The following TCOF1 variants were observed in gnomAD, a reference collection of about 807,000 sequenced individuals.
The protein encoded by TCOF1 is treacle protein.
Under a neutral mutation model 149.0 loss-of-function variants are expected in TCOF1, and 33 were observed. The ratio of observed to expected loss-of-function variants is 0.22; its 90% confidence interval spans 0.17 to 0.30. The LOEUF (loss-of-function observed/expected upper bound fraction) is 0.30, where lower values mean the gene tolerates loss of function less well. TCOF1 is among the 10% of genes least tolerant of loss of function. The pLI, the probability that TCOF1 is intolerant of heterozygous loss-of-function variation, is 1.00. For missense variants in TCOF1, 1,728 were observed against 1,840.7 expected, an observed-to-expected ratio of 0.94 and a Z score of 1.12; for synonymous variants, 789 against 738.8, an observed-to-expected ratio of 1.07 and a Z score of -1.10.
intron 23 of TCOF1, 67 bp downstream of exon 23, chr5:150,393,619 C>G (rs1767865721): frequency 6.3e-7 from 1 of 1,598,174 alleles, no homozygotes; most frequent in African/African-American, 1.3e-5. Context: ...CCCCTTCTTG[C>G]CCTCCTGTAG....
intron 12 of TCOF1, 29 bp from the exon 13 acceptor site, chr5:150,376,053 T>C: frequency 6.2e-7 from 1 of 1,613,544 alleles, no homozygotes; most frequent in Non-Finnish European, 8.5e-7. Context: ...TCAGGAACCT[T>C]CTCCAGCCTT....
chr5:150,372,268 G>C, intron 7 of TCOF1, 32 bp downstream of exon 7: 1 of 1,572,702 alleles, frequency 6.4e-7, no homozygotes, highest in Non-Finnish European at 8.6e-7. Context: ...CCCCTTGGAG[G>C]ACCTGCGGGT....
At chr5:150,389,285 C>T (rs757442973) in intron 18 of TCOF1, among the ~76,000 whole-genome samples, 1 of 152,138 alleles carries the variant, frequency 6.6e-6, no homozygotes, top group Non-Finnish European at 1.5e-5. Flanking sequence ...TAAAGCAAGA[C>T]CATACTGTAT....
chr5:150,369,228 G>A (rs1762013217), intron 5 of TCOF1, among the ~76,000 whole-genome samples: 1 of 152,236 alleles, frequency 6.6e-6, no homozygotes, highest in African/African-American at 2.4e-5. Flanking sequence ...GTAGACATCT[G>A]TCTGGCCTGC....
intron 17 of TCOF1, among the ~76,000 whole-genome samples, chr5:150,382,508 G>A (rs1311233222): frequency 6.6e-6 from 1 of 152,204 alleles, no homozygotes; most frequent in Non-Finnish European, 1.5e-5. Context: ...AGGGAAAAGG[G>A]GGGCCCCCAT....
intron 11 of TCOF1, 48 bp from the exon 12 acceptor site, chr5:150,375,673 C>T: frequency 6.2e-7 from 1 of 1,613,536 alleles, no homozygotes; most frequent in Non-Finnish European, 8.5e-7. Flanking sequence ...AATGTCTGCA[C>T]ACACCTACCC....
chr5:150,392,421 A>G (rs1057235359), intron 21 of TCOF1: 14 of 610,636 alleles, frequency 2.3e-5, no homozygotes, highest in African/African-American at 5.5e-5. Flanking sequence ...CTGGCTCCCA[A>G]AAACTCCAGG....
Position 150,396,272 on chromosome 5 carries a change from C to G in TCOF1, c.3785-10C>G, listed in dbSNP as rs756317583. ...TCCCAGATCTGTGACCCCACATTCT[C>G]TCTCCATAGGTGGAAAAGAGGCTGC... On this transcript the variant is annotated splice_polypyrimidine_tract_variant and intron_variant, in intron 23 of 26. Coordinates refer to ENST00000643257, the MANE Select transcript of TCOF1 (RefSeq NM_001371623.1). 5 of 1,613,900 alleles carry G rather than the reference C, an allele frequency of 3.1e-6. No individual in the cohort carries two copies. The South Asian group carries it at 4.4e-5, about 14-fold the overall frequency.
At position 150,396,658 on chromosome 5, in the gene TCOF1, C is replaced by T. The variant is rs1300305080; in HGVS notation, c.4161C>T (p.Ser1387=). Residue 1387 remains serine, a synonymous_variant, in exon 24 of 27, where the codon TCC becomes TCT. Transcript: ENST00000643257. The stretch of plus-strand genomic sequence containing the variant: ...CCCCAGAAAAGACCTCCACGACTTC[C>T]AAGGGGAAAGCAAAGAGAGACAAAG... ...SVSPEKTSTT[S]KGKAKRDKAS... is the part of the protein sequence containing the mutation. 1.2e-6 allele frequency: 2 copies of T among 1,610,030 alleles called. No homozygotes were observed. The highest frequency in any genetic ancestry group is 1.7e-6 in the Non-Finnish European group (2 of 1,178,302).
chr5:150,393,373 C>T lies in TCOF1; in HGVS notation c.3605C>T (p.Ser1202Phe), dbSNP rs112227999. The change falls in exon 23 of 27, where the codon TCT becomes TTT. Residue 1202 changes from serine (S) to phenylalanine (F), a missense_variant and splice_region_variant. Physicochemically the swap from Ser to Phe is radical, Grantham distance 155. This residue lies in a region of TCOF1 where 1,696 missense variants were observed against 1,765.4 expected (regional missense o/e 0.96). Transcript: ENST00000643257. Reference protein sequence around the residue: ...SEDDVVAPSQSLLSGYMTPGL... With the variant: ...SEDDVVAPSQFLLSGYMTPGL... ...CTCTTTCACAATGGGCTTCTTCAGT[C>T]TCTCCTCTCAGGTTATATGACCCCT... The T allele has an allele frequency of 2.2e-4, 351 of 1,613,784 alleles. No homozygotes were observed. The highest frequency in any genetic ancestry group is 2.8e-4 in the Non-Finnish European group (330 of 1,179,994).
At chr5:150,368,037 C>G in intron 4 of TCOF1, 120 bp downstream of exon 4, 1 of 1,057,188 alleles carries the variant, frequency 9.5e-7, no homozygotes, top group Non-Finnish European at 1.4e-6. Context: ...ATTCAGAGCT[C>G]AACCTGTGTC....
In TCOF1 at chr5:150,372,271, C is replaced by CT. The variant is rs1186654070; in HGVS notation, c.870+36dup. The CT allele has an allele frequency of 4.5e-6, 7 of 1,565,256 alleles. No homozygotes were observed. In the Middle Eastern group the frequency reaches 9.0e-4, roughly 202 times the overall value. ...GGAGGAGGGCTGCCCCTTGGAGGACCTGCGGGTCCCCCAGCAGCCTGAGCA... is the reference window on the plus strand; with the variant it reads ...GGAGGAGGGCTGCCCCTTGGAGGACCTTGCGGGTCCCCCAGCAGCCTGAGCA... On this transcript the variant is annotated intron_variant, in intron 7 of 26. Transcript: ENST00000643257.
chr5:150,372,261 C>T (rs1021699123), intron 7 of TCOF1, 25 bp downstream of exon 7: 6 of 1,584,080 alleles, frequency 3.8e-6, no homozygotes, highest in Admixed American at 1.8e-5. Flanking sequence ...AGGGCTGCCC[C>T]TTGGAGGACC....
At chr5:150,392,956 AC>A in intron 22 of TCOF1, 166 bp downstream of exon 22, 1 of 825,352 alleles carries the variant, frequency 1.2e-6, no homozygotes, top group Non-Finnish European at 2.0e-6. Flanking sequence ...CAGCCAGCAG[AC>A]CACAGCCAGG....
At chr5:150,380,684 G>A (rs1406619626) in intron 17 of TCOF1, 1 of 152,246 alleles carries the variant, frequency 6.6e-6, no homozygotes, top group Non-Finnish European at 1.5e-5. Context: ...ACAGGTGTGT[G>A]ATGGAAATGA....
intron 23 of TCOF1, among the ~76,000 whole-genome samples, chr5:150,396,054 A>G (rs1451766684): frequency 6.6e-6 from 1 of 152,164 alleles, no homozygotes; most frequent in Non-Finnish European, 1.5e-5. Flanking sequence ...TAGTATAAAG[A>G]GACAGGGAAA....
intron 3 of TCOF1, 106 bp downstream of exon 3, chr5:150,364,358 G>T (rs1451336476): frequency 4.1e-5 from 63 of 1,532,460 alleles, no homozygotes; most frequent in Non-Finnish European, 1.1e-5. Context: ...AAAAGACCCT[G>T]GGGAGGAGAT....
intron 7 of TCOF1, 123 bp from the exon 8 acceptor site, chr5:150,374,051 G>A: frequency 9.3e-7 from 1 of 1,069,590 alleles, no homozygotes; most frequent in Non-Finnish European, 1.4e-6. Context: ...GTCAAGGTGG[G>A]GAGTGGGGAG....
At position 150,392,019 on chromosome 5, in the gene TCOF1, A is replaced by G; in HGVS notation, c.3360A>G (p.Lys1120=). The G allele has an allele frequency of 6.2e-7, 1 of 1,614,244 alleles. No homozygotes were observed. The highest frequency in any genetic ancestry group is 1.1e-5 in the South Asian group (1 of 91,086). Residue 1120 remains lysine, a synonymous_variant, in exon 21 of 27, where the codon AAA becomes AAG. Coordinates refer to ENST00000643257, the MANE Select transcript of TCOF1 (RefSeq NM_001371623.1). ...CCCAGAGCACCTCCGTCCAGGCCAA[A>G]GGGACCAACAAGCTCAGAAAACCTA... The part of the protein sequence containing the change: ...TSPQSTSVQA[K]GTNKLRKPKL...
Sources: allele counts gnomAD v4.1 joint callset (sites outside exome capture counted in the v4.1 genomes callset), GRCh38; gene constraint gnomAD v4.1.1; regional missense constraint gnomAD v4.1.1; transcripts MANE v1.5; gene names NCBI Gene and HGNC (gene_info 2026-07-23, HGNC 2026-07-21).